Variants in CCSER2 observed in about 807,000 individuals in gnomAD.
CCSER2 encodes serine-rich coiled-coil domain-containing protein 2.
A neutral mutation model predicts 92.3 loss-of-function variants in CCSER2; 46 were observed. That is an observed-to-expected ratio of 0.50 (90% CI 0.39 to 0.64). The LOEUF is 0.64. Among genes scored for constraint, CCSER2 ranks in the 30% least tolerant of loss-of-function variants. The pLI, the probability that CCSER2 is intolerant of heterozygous loss-of-function variation, is 0.00. For synonymous variants in CCSER2, 433 were observed against 431.4 expected (o/e 1.00, Z -0.04); for missense variants, 1,244 against 1,238.9 (o/e 1.00, Z -0.06).
At chr10:84,497,924 G>T (rs2131828925) in intron 9 of CCSER2, among the ~76,000 whole-genome samples, 2 of 152,286 alleles carry the variant, frequency 1.3e-5, no homozygotes, top group South Asian at 4.1e-4. Context: ...AAGTAAGAGG[G>T]TTCTTCGAGA....
intron 1 of CCSER2, among the ~76,000 whole-genome samples, chr10:84,343,292 G>C (rs56403945): frequency 1.3e-5 from 2 of 152,026 alleles, no homozygotes; most frequent in African/African-American, 4.8e-5. Context: ...GTATAAACCT[G>C]GGAGTAGTCC....
chr10:84,391,809 A>C, intron 3 of CCSER2: 1 of 1,565,100 alleles, frequency 6.4e-7, no homozygotes, highest in East Asian at 2.2e-5. Flanking sequence ...AAAAGGATTC[A>C]GCATTCCGTG....
At chr10:84,429,264 G>A (rs1163219285) in intron 5 of CCSER2, among the ~76,000 whole-genome samples, 1 of 151,900 alleles carries the variant, frequency 6.6e-6, no homozygotes, top group African/African-American at 2.4e-5. Context: ...AATTTTTATA[G>A]ATATTCTGTA....
At chr10:84,459,456 T>A (rs1389805766) in intron 6 of CCSER2, among the ~76,000 whole-genome samples, 1 of 152,068 alleles carries the variant, frequency 6.6e-6, no homozygotes, top group Non-Finnish European at 1.5e-5. Flanking sequence ...GGTCTTGGGG[T>A]AGAATATTCC....
chr10:84,375,894 A>G (rs1001097194), intron 3 of CCSER2, among the ~76,000 whole-genome samples: 3 of 145,930 alleles, frequency 2.1e-5, no homozygotes, highest in African/African-American at 7.6e-5. Flanking sequence ...GGTTCAAAGT[A>G]GTATCTCTTA....
intron 6 of CCSER2, among the ~76,000 whole-genome samples, chr10:84,460,377 T>TTACATGTG (rs1291333552): frequency 2.6e-5 from 4 of 151,816 alleles, no homozygotes; most frequent in African/African-American, 9.7e-5. Context: ...AGTGCTGGGA[T>TTACATGTG]TACATGTGTG....
Position 84,328,630 on chromosome 10 carries a change from C to T in CCSER2, c.-218C>T, listed in dbSNP as rs1843383005. 1.3e-5 allele frequency: 2 copies of T among 149,928 alleles called. No individual in the cohort carries two copies. The highest frequency in any genetic ancestry group is 6.6e-5 in the Admixed American group (1 of 15,064). 9.3% of individuals were successfully genotyped at this position (149,928 alleles called of 1,614,324 possible). A position where few individuals can be genotyped will look rare whatever the true frequency, so the allele number is the denominator to read the frequency against. ...CCGGCCGAGGGAGGGGGCGCGGCGG[C>T]TTTGGAGTCCGGCGCTCCCTCAGGC... On this transcript the variant is annotated 5_prime_UTR_variant, in exon 1 of 10. Transcript: ENST00000372088.
At chr10:84,438,082 G>A (rs958133760) in intron 5 of CCSER2, among the ~76,000 whole-genome samples, 5 of 152,140 alleles carry the variant, frequency 3.3e-5, no homozygotes, top group Admixed American at 1.3e-4. Flanking sequence ...GGAGTCCAAG[G>A]ATGTATACAA....
chr10:84,386,806 C>A (rs1344997844), intron 3 of CCSER2, among the ~76,000 whole-genome samples: 2 of 152,086 alleles, frequency 1.3e-5, no homozygotes, highest in African/African-American at 4.8e-5. Flanking sequence ...GAGCTGGAGG[C>A]CATTATTCTA....
At chr10:84,408,882 TG>T (rs1016563531) in intron 3 of CCSER2, among the ~76,000 whole-genome samples, 5 of 152,170 alleles carry the variant, frequency 3.3e-5, no homozygotes, top group Admixed American at 2.6e-4. Flanking sequence ...GATATGATTT[TG>T]GGGGGAATGA....
At chr10:84,354,881 A>G (rs111973715) in intron 1 of CCSER2, among the ~76,000 whole-genome samples, 18 of 151,788 alleles carry the variant, frequency 1.2e-4, no homozygotes, top group African/African-American at 3.9e-4. Flanking sequence ...GAAAAACATC[A>G]TGTCCAGTCA....
At chr10:84,394,381 AAGTATGTG>A (rs1402794332) in intron 3 of CCSER2, among the ~76,000 whole-genome samples, 1 of 79,878 alleles carries the variant, frequency 1.3e-5, no homozygotes, top group African/African-American at 5.8e-5. Context: ...AACAAAAGGA[AAGTATGTG>A]TGTGTGTGTG....
chr10:84,384,404 A>G (rs1011164018), intron 3 of CCSER2, among the ~76,000 whole-genome samples: 8 of 152,206 alleles, frequency 5.3e-5, no homozygotes, highest in African/African-American at 1.9e-4. Flanking sequence ...CAAATCAAAC[A>G]GCAACTCAAA....
chr10:84,372,552 T>C, intron 2 of CCSER2, 83 bp downstream of exon 2: 1 of 839,738 alleles, frequency 1.2e-6, no homozygotes, highest in South Asian at 1.9e-5. Context: ...TTCAGATAGA[T>C]TTCAAGATAT....
intron 9 of CCSER2, among the ~76,000 whole-genome samples, chr10:84,485,694 ATTTCT>A (rs1355794520): frequency 2.0e-5 from 3 of 152,012 alleles, no homozygotes; most frequent in African/African-American, 7.2e-5. Flanking sequence ...AGCATTTTTG[ATTTCT>A]TTAATCAGCA....
chr10:84,461,332 T>C (rs1224100616), intron 6 of CCSER2, among the ~76,000 whole-genome samples: 1 of 152,236 alleles, frequency 6.6e-6, no homozygotes, highest in Non-Finnish European at 1.5e-5. Flanking sequence ...TCTGTAGGTT[T>C]GTGTCTTTCA....
intron 3 of CCSER2, chr10:84,374,116 A>G: frequency 3.8e-6 from 2 of 520,782 alleles, no homozygotes; most frequent in Non-Finnish European, 6.2e-6. Flanking sequence ...GGAGGAGGTC[A>G]ATGACTGGAG....
intron 3 of CCSER2, among the ~76,000 whole-genome samples, chr10:84,404,415 A>G (rs941066646): frequency 3.3e-5 from 5 of 152,166 alleles, no homozygotes; most frequent in Non-Finnish European, 7.3e-5. Flanking sequence ...TTAATATTGG[A>G]CAGGATTAGT....
chr10:84,487,377 C>T (rs572339088), intron 9 of CCSER2, among the ~76,000 whole-genome samples: 4 of 152,278 alleles, frequency 2.6e-5, no homozygotes, highest in South Asian at 4.1e-4. Context: ...TACCCATGAG[C>T]GTGGAACGTT....
Sources: allele counts gnomAD v4.1 joint callset (sites outside exome capture counted in the v4.1 genomes callset), GRCh38; gene constraint gnomAD v4.1.1; transcripts MANE v1.5; gene names NCBI Gene and HGNC (gene_info 2026-07-23, HGNC 2026-07-21).